Variants in TTC39C observed in about 807,000 individuals in gnomAD.
TTC39C encodes the protein tetratricopeptide repeat protein 39C.
TTC39C carries 33 observed loss-of-function variants against 76.3 expected under a neutral mutation model. The observed-to-expected ratio is 0.43, with a 90% confidence interval of 0.33 to 0.58. The LOEUF is 0.58. TTC39C is among the 20% of genes least tolerant of loss of function. The pLI, the probability that TTC39C is intolerant of heterozygous loss-of-function variation, is 0.04. For missense variants in TTC39C, 595 were observed against 701.4 expected (o/e 0.85, Z 1.71); for synonymous variants, 254 against 260.6 (o/e 0.97, Z 0.24).
At chr18:24,002,928 C>G (rs542284201) in intron 1 of TTC39C, among the ~76,000 whole-genome samples, 2 of 152,332 alleles carry the variant, frequency 1.3e-5, no homozygotes, top group South Asian at 4.1e-4. Context: ...CCATAAGTCT[C>G]TAGTCTATAC....
At position 24,050,122 on chromosome 18, in the gene TTC39C, G is replaced by A. The variant is rs562587143; in HGVS notation, c.168-14018G>A. Among the ~76,000 whole-genome samples the A allele has an allele frequency of 8.5e-5, 13 of 152,282 alleles. No individual in the cohort carries two copies. In the South Asian group the frequency reaches 2.1e-3, roughly 24 times the overall value. ...GGGTTGTGGCTGCCAGCCCCCAGTC[G>A]CCAATGCCTGGTCAGGCACTCGTAT... is the stretch of plus-strand genomic sequence containing the variant. On this transcript the variant is annotated intron_variant, in intron 1 of 13. Coordinates refer to ENST00000317571, the MANE Select transcript of TTC39C (RefSeq NM_001135993.2).
At chr18:24,045,613 C>T (rs1427674492) in intron 1 of TTC39C, among the ~76,000 whole-genome samples, 2 of 151,848 alleles carry the variant, frequency 1.3e-5, no homozygotes, top group Non-Finnish European at 2.9e-5. Flanking sequence ...CATTCCACTG[C>T]CTGCAATGGA....
chr18:24,058,235 A>C (rs2084041877), intron 1 of TTC39C, among the ~76,000 whole-genome samples: 1 of 152,202 alleles, frequency 6.6e-6, no homozygotes, highest in South Asian at 2.1e-4. Flanking sequence ...TGGGTGATGA[A>C]ATCATTTGTA....
chr18:24,093,347 C>T lies in TTC39C; in HGVS notation c.984+10266C>T, dbSNP rs545499063. 4.6e-5 allele frequency among the ~76,000 whole-genome samples: 7 copies of T among 152,092 alleles called. No homozygotes were observed. In the East Asian group the frequency reaches 7.8e-4, roughly 17 times the overall value. ...ACAAAAAACTAGCTGGGCGTGGTGG[C>T]GGGCGCCTGTAGTCCCAGCTACTTG... On this transcript the variant is annotated intron_variant, in intron 6 of 13. Transcript: ENST00000317571.
chr18:24,057,972 A>G (rs1290052963), intron 1 of TTC39C, among the ~76,000 whole-genome samples: 1 of 152,244 alleles, frequency 6.6e-6, no homozygotes, highest in Non-Finnish European at 1.5e-5. Flanking sequence ...GTGGAATACT[A>G]TGCAGCCATA....
chr18:24,103,423 C>A (rs768539618), intron 6 of TTC39C, among the ~76,000 whole-genome samples: 1 of 152,142 alleles, frequency 6.6e-6, no homozygotes, highest in South Asian at 2.1e-4. Flanking sequence ...TGCAGAACAT[C>A]CTTGTGGTTT....
intron 8 of TTC39C, among the ~76,000 whole-genome samples, chr18:24,121,562 A>C (rs757728499): frequency 5.3e-5 from 8 of 152,172 alleles, no homozygotes; most frequent in African/African-American, 9.7e-5. Flanking sequence ...CTGGGCAACA[A>C]GAGCAAAACT....
At chr18:24,034,678 G>C (rs1275031811) in intron 1 of TTC39C, among the ~76,000 whole-genome samples, 2 of 152,070 alleles carry the variant, frequency 1.3e-5, no homozygotes, top group East Asian at 3.9e-4. Context: ...TCTGCTTTCT[G>C]TCTCTATGAG....
At position 23,994,165 on chromosome 18, in the gene TTC39C, C is replaced by A. The variant is rs1187506612; in HGVS notation, c.-17+1127C>A. The A allele has an allele frequency of 2.0e-5, 3 of 152,184 alleles. No individual in the cohort carries two copies. The East Asian group carries it at 5.8e-4, about 29-fold the overall frequency. The allele number at this position is 152,184 out of a possible 1,614,324, so 9.4% of individuals were successfully genotyped here. ...ATTTTCTATTATTTTCATTATTATT[C>A]CTTAGATGTTTTGGCTGAAGATACA... On this transcript the variant is annotated intron_variant, in intron 1 of 13. Coordinates refer to the TTC39C transcript ENST00000304621.
chr18:24,050,399 G>C lies in TTC39C; in HGVS notation c.168-13741G>C, dbSNP rs190990908. On this transcript the variant is annotated intron_variant, in intron 1 of 13. Transcript: ENST00000317571. The stretch of plus-strand genomic sequence containing the variant: ...AGCTTGGACAACACGACGGAATCCT[G>C]TCTCTACTAAAAATACAGAAATTAG... Among the ~76,000 whole-genome samples, 773 of 151,938 alleles carry C rather than the reference G, an allele frequency of 5.1e-3. 4 individuals carry two copies. The highest frequency in any genetic ancestry group is 9.6e-3 in the Non-Finnish European group (651 of 67,972).
intron 6 of TTC39C, among the ~76,000 whole-genome samples, chr18:24,098,676 A>G (rs917972022): frequency 1.3e-5 from 2 of 150,258 alleles, no homozygotes; most frequent in Non-Finnish European, 3.0e-5. Flanking sequence ...TCTATCACCC[A>G]GGCTGGAGTG....
At chr18:23,997,644 G>GA (rs2083274882) in intron 1 of TTC39C, among the ~76,000 whole-genome samples, 1 of 103,796 alleles carries the variant, frequency 9.6e-6, no homozygotes, top group Non-Finnish European at 1.9e-5. Flanking sequence ...AGGGAGGGAG[G>GA]AAGGAAGGAG....
chr18:24,067,826 C>T (rs936714285), intron 3 of TTC39C, among the ~76,000 whole-genome samples: 2 of 152,156 alleles, frequency 1.3e-5, no homozygotes, highest in African/African-American at 4.8e-5. Context: ...TCTCACCAGC[C>T]ATTGCCATTA....
chr18:24,006,527 A>T (rs1195983207), intron 1 of TTC39C: 1 of 120,260 alleles, frequency 8.3e-6, no homozygotes, highest in Non-Finnish European at 1.6e-5. Flanking sequence ...AACAGTGATT[A>T]TCTGTCTTCA....
intron 1 of TTC39C, among the ~76,000 whole-genome samples, chr18:24,031,237 C>T (rs1387890220): frequency 6.6e-5 from 10 of 150,398 alleles, no homozygotes; most frequent in Admixed American, 1.3e-4. Context: ...GGATTACAGG[C>T]GTGAGCCACT....
At chr18:24,009,295 T>C (rs1271478549) in intron 1 of TTC39C, among the ~76,000 whole-genome samples, 1 of 152,132 alleles carries the variant, frequency 6.6e-6, no homozygotes, top group Non-Finnish European at 1.5e-5. Flanking sequence ...CTGCTACCAT[T>C]TAACACTTCC....
rs151088569 is a variant in TTC39C, at chr18:24,073,422, C to G, written c.460+4151C>G. 9.2e-5 allele frequency among the ~76,000 whole-genome samples: 14 copies of G among 152,296 alleles called. No homozygotes were observed. The East Asian group carries it at 2.7e-3, about 29-fold the overall frequency. On this transcript the variant is annotated intron_variant, in intron 4 of 13. Coordinates refer to ENST00000317571, the MANE Select transcript of TTC39C (RefSeq NM_001135993.2). ...GCCTCGAGCTTTTATTCACCTTGCC[C>G]TCTCAGTGTGGAACACCCCTACCCC...
chr18:24,103,306 A>G (rs1431946012), intron 6 of TTC39C, among the ~76,000 whole-genome samples: 1 of 152,220 alleles, frequency 6.6e-6, no homozygotes. Flanking sequence ...TATTGACTAT[A>G]ATTATCAGTT....
At chr18:24,078,123 TA>T (rs1301623814) in intron 4 of TTC39C, among the ~76,000 whole-genome samples, 2 of 152,238 alleles carry the variant, frequency 1.3e-5, no homozygotes, top group Non-Finnish European at 2.9e-5. Context: ...TTAAAGTTAC[TA>T]AAAAAACTTT....
Sources: allele counts gnomAD v4.1 joint callset (sites outside exome capture counted in the v4.1 genomes callset), GRCh38; gene constraint gnomAD v4.1.1; transcripts MANE v1.5; gene names NCBI Gene and HGNC (gene_info 2026-07-23, HGNC 2026-07-21).